MID1: variants seen among roughly 807,000 people sequenced by gnomAD.
MID1 encodes midline 1.
In MID1, 7 loss-of-function variants were observed where a neutral mutation model predicts 40.4. The ratio of observed to expected loss-of-function variants is 0.17; its 90% CI spans 0.10 to 0.33. MID1 has a LOEUF of 0.33. MID1 is among the 10% of genes least tolerant of loss of function. The pLI, the probability that MID1 is intolerant of heterozygous loss-of-function variation, is 1.00. For synonymous variants in MID1, 229 were observed against 221.2 expected (o/e 1.04, Z -0.31); for missense variants, 367 against 558.5 (o/e 0.66, Z 3.46).
intron 3 of MID1, among the ~76,000 whole-genome samples, chrX:10,502,276 A>C (rs1400810479): frequency 8.9e-6 from 1 of 112,622 alleles, no homozygotes; most frequent in Non-Finnish European, 1.9e-5. Flanking sequence ...CTCACTTTGC[A>C]GTGCTTTATT....
At chrX:10,453,194 C>T (rs1004176561) in intron 9 of MID1, among the ~76,000 whole-genome samples, 10 of 111,508 alleles carry the variant, frequency 9.0e-5, no homozygotes, top group African/African-American at 2.6e-4. Flanking sequence ...AAAACCTACT[C>T]GCTCAGCCAA....
At chrX:10,495,727 C>T in intron 3 of MID1, 36 bp from the exon 4 acceptor site, 2 of 1,020,249 alleles carry the variant, frequency 2.0e-6, no homozygotes, top group Admixed American at 2.2e-5. Flanking sequence ...GTTAATTTGG[C>T]CTTTGTTTTT....
rs1014990169 is a variant in MID1 at position 10,716,469 on chromosome X, T to C, written c.-186-96050A>G. ...GTGATGGAAGATCAAATGAATGAAA[T>C]GAAGTGAGAAGAGAAGTTTAGAGAA... On this transcript the variant is annotated intron_variant, in intron 1 of 10. Transcript: ENST00000380785. Among the ~76,000 whole-genome samples the C allele has an allele frequency of 2.7e-5, 3 of 110,848 alleles. No individual in the cohort carries two copies. The Admixed American group carries it at 2.9e-4, about 11-fold the overall frequency.
chrX:10,796,278 C>A (rs1468600133), intron 1 of MID1, among the ~76,000 whole-genome samples: 1 of 111,679 alleles, frequency 9.0e-6, no homozygotes, highest in Non-Finnish European at 1.9e-5. Flanking sequence ...GGCATAGTCA[C>A]AGTATAATGT....
intron 1 of MID1, among the ~76,000 whole-genome samples, chrX:10,663,333 T>C (rs947392055): frequency 9.0e-6 from 1 of 111,135 alleles, no homozygotes; most frequent in African/African-American, 3.3e-5. Flanking sequence ...CTAATTGACT[T>C]TCTATCTCTA....
chrX:10,452,001 T>C (rs969435228), intron 9 of MID1, among the ~76,000 whole-genome samples: 3 of 112,335 alleles, frequency 2.7e-5, no homozygotes, highest in African/African-American at 9.7e-5. Flanking sequence ...GTGAATACTA[T>C]TTCCGCTTTT....
intron 2 of MID1, among the ~76,000 whole-genome samples, chrX:10,525,578 C>T (rs1932814747): frequency 8.9e-6 from 1 of 112,361 alleles, no homozygotes; most frequent in African/African-American, 3.2e-5. Flanking sequence ...AAACTTTGTT[C>T]CCTGTGCTGT....
intron 1 of MID1, among the ~76,000 whole-genome samples, chrX:10,742,895 C>T (rs1319396056): frequency 2.7e-5 from 3 of 112,541 alleles, no homozygotes; most frequent in Non-Finnish European, 3.7e-5. Context: ...GAGATAGACT[C>T]GACTTTTCTG....
At chrX:10,454,654 G>A (rs1928543635) in intron 9 of MID1, among the ~76,000 whole-genome samples, 1 of 111,983 alleles carries the variant, frequency 8.9e-6, no homozygotes, top group Non-Finnish European at 1.9e-5. Flanking sequence ...CTTGAACAGA[G>A]AACCCACAGG....
intron 1 of MID1, among the ~76,000 whole-genome samples, chrX:10,787,016 C>T (rs942387648): frequency 9.0e-6 from 1 of 110,632 alleles, no homozygotes; most frequent in Non-Finnish European, 1.9e-5. Context: ...CAACAAGCTC[C>T]CAGAGTCCAC....
chrX:10,691,308 C>T (rs775508991), intron 1 of MID1, among the ~76,000 whole-genome samples: 4 of 111,637 alleles, frequency 3.6e-5, no homozygotes, highest in Non-Finnish European at 5.6e-5. Flanking sequence ...GAGGCCAAGG[C>T]GGGCAGATCA....
At chrX:10,656,117 T>G (rs1162702972) in intron 1 of MID1, among the ~76,000 whole-genome samples, 1 of 112,558 alleles carries the variant, frequency 8.9e-6, no homozygotes, top group Non-Finnish European at 1.9e-5. Flanking sequence ...AACAATTTTT[T>G]GCCATTTGCA....
intron 1 of MID1, among the ~76,000 whole-genome samples, chrX:10,716,338 G>C (rs2043303035): frequency 8.9e-6 from 1 of 111,801 alleles, no homozygotes; most frequent in Non-Finnish European, 1.9e-5. Flanking sequence ...CCAATGCAGA[G>C]AAGTCCTTAA....
At chrX:10,597,715 C>A (rs1429637590) in intron 1 of MID1, among the ~76,000 whole-genome samples, 1 of 112,061 alleles carries the variant, frequency 8.9e-6, no homozygotes, top group East Asian at 2.8e-4. Context: ...GTAAACACTG[C>A]ACTACAGCAT....
At chrX:10,581,214 A>T (rs1291224260) in intron 1 of MID1, among the ~76,000 whole-genome samples, 1 of 111,624 alleles carries the variant, frequency 9.0e-6, no homozygotes, top group Non-Finnish European at 1.9e-5. Flanking sequence ...GCGCCACTGC[A>T]CTCCAGCCTG....
intron 1 of MID1, among the ~76,000 whole-genome samples, chrX:10,584,583 A>G (rs1212343521): frequency 8.9e-6 from 1 of 112,666 alleles, no homozygotes; most frequent in Non-Finnish European, 1.9e-5. Flanking sequence ...TGAGCACCAA[A>G]GATGAGTTAA....
At chrX:10,639,538 T>C (rs988991629) in intron 1 of MID1, among the ~76,000 whole-genome samples, 1 of 111,950 alleles carries the variant, frequency 8.9e-6, no homozygotes, top group African/African-American at 3.3e-5. Context: ...CTACGTCGGA[T>C]TGGTGTGCCT....
intron 2 of MID1, among the ~76,000 whole-genome samples, chrX:10,541,959 G>C (rs1933486382): frequency 8.9e-6 from 1 of 112,017 alleles, no homozygotes; most frequent in East Asian, 2.8e-4. Flanking sequence ...CCATACTTAA[G>C]AGTCAAATGA....
intron 1 of MID1, among the ~76,000 whole-genome samples, chrX:10,748,379 T>G (rs987865354): frequency 8.9e-6 from 1 of 112,286 alleles, no homozygotes; most frequent in African/African-American, 3.2e-5. Context: ...CAAGTCGAGA[T>G]AGTTCAAGTC....
Sources: allele counts gnomAD v4.1 joint callset (sites outside exome capture counted in the v4.1 genomes callset), GRCh38; gene constraint gnomAD v4.1.1; transcripts MANE v1.5; gene names NCBI Gene and HGNC (gene_info 2026-07-23, HGNC 2026-07-21).